Variants in TSPAN7 observed in about 807,000 individuals in gnomAD.
The protein encoded by TSPAN7 is tetraspanin-7.
In TSPAN7, 1 loss-of-function variant was observed where a neutral mutation model predicts 17.6. That is an observed-to-expected ratio of 0.06 (90% CI 0.02 to 0.27). The LOEUF is 0.27. Ranked by LOEUF, TSPAN7 falls within the 10% of genes least tolerant of loss-of-function variation. TSPAN7 has a pLI of 1.00. For missense variants in TSPAN7, 112 were observed against 201.7 expected, an observed-to-expected ratio of 0.56 and a Z score of 2.69; for synonymous variants, 78 against 79.0, an observed-to-expected ratio of 0.99 and a Z score of 0.07.
chrX:38,643,839 C>T (rs1260916955), intron 1 of TSPAN7, among the ~76,000 whole-genome samples: 2 of 110,784 alleles, frequency 1.8e-5, no homozygotes, highest in African/African-American at 3.3e-5. Flanking sequence ...AGCGAGACTC[C>T]GTCTCAAAAA....
chrX:38,637,262 A>G (rs1248513927), intron 1 of TSPAN7, among the ~76,000 whole-genome samples: 1 of 111,746 alleles, frequency 8.9e-6, no homozygotes, highest in African/African-American at 3.3e-5. Flanking sequence ...TTTAATTCAT[A>G]TGACCTGTAT....
chrX:38,661,042 C>G (rs998290538), intron 1 of TSPAN7, among the ~76,000 whole-genome samples: 2 of 111,579 alleles, frequency 1.8e-5, no homozygotes, highest in African/African-American at 6.5e-5. Flanking sequence ...AGCGTGGGCT[C>G]AAGTAAAATG....
chrX:38,615,291 T>C (rs2069449104), intron 1 of TSPAN7, among the ~76,000 whole-genome samples: 1 of 111,810 alleles, frequency 8.9e-6, no homozygotes. Flanking sequence ...GCCCTTTTCC[T>C]ATAAGAATGT....
Position 38,616,853 on chromosome X carries a change from C to T in TSPAN7, c.82-49268C>T, listed in dbSNP as rs189201142. 3.6e-5 allele frequency among the ~76,000 whole-genome samples: 4 copies of T among 111,836 alleles called. No individual in the cohort carries two copies. The Admixed American group carries it at 3.8e-4, about 11-fold the overall frequency. On this transcript the variant is annotated intron_variant, in intron 1 of 7. Coordinates refer to ENST00000378482, the MANE Select transcript of TSPAN7 (RefSeq NM_004615.4). ...TCCTCTCACCTTTGAGTGCTGGTAC[C>T]ATACTCAGTGTCAGTATTTTCACTG...
At chrX:38,641,439 A>T (rs781703082) in intron 1 of TSPAN7, among the ~76,000 whole-genome samples, 137 of 111,346 alleles carry the variant, frequency 1.2e-3, no homozygotes, top group African/African-American at 4.4e-3. Context: ...AGGAGTCCAA[A>T]CCCCTCTCTG....
At chrX:38,622,636 G>T (rs1173447409) in intron 1 of TSPAN7, among the ~76,000 whole-genome samples, 1 of 112,523 alleles carries the variant, frequency 8.9e-6, no homozygotes, top group African/African-American at 3.2e-5. Flanking sequence ...TCTTGCATTA[G>T]ATCAGAATTG....
rs41305749 is a variant in TSPAN7, at chrX:38,666,371, A to T, written c.270+62A>T. ...ATATTTTTGTAAAAATATAAATTAC[A>T]TGGAGGTGAAGTGGTTCGTCTTGAG... On this transcript the variant is annotated intron_variant, in intron 2 of 7. Coordinates refer to ENST00000378482, the MANE Select transcript of TSPAN7 (RefSeq NM_004615.4). 6.4e-3 allele frequency: 7,092 copies of T among 1,111,139 alleles called. 266 individuals are homozygous for T. The African/African-American group carries it at 0.11, about 18-fold the overall frequency. 91.6% of individuals were successfully genotyped at this position (1,111,139 alleles called of 1,213,427 possible).
rs770866065 is a variant in TSPAN7, at chrX:38,567,590, C to T, written c.81+5963C>T. Among the ~76,000 whole-genome samples the T allele has an allele frequency of 3.6e-5, 4 of 112,488 alleles. No individual in the cohort carries two copies. In the South Asian group the frequency reaches 1.5e-3, roughly 41 times the overall value. Reference sequence around the variant, plus strand: ...ACTTTAGTTTATAGTTATTCTTTTGCACATCAATACAATTCAGTCATTCAC... The same window carrying T: ...ACTTTAGTTTATAGTTATTCTTTTGTACATCAATACAATTCAGTCATTCAC... On this transcript the variant is annotated intron_variant, in intron 1 of 7. Coordinates refer to ENST00000378482, the MANE Select transcript of TSPAN7 (RefSeq NM_004615.4).
intron 1 of TSPAN7, among the ~76,000 whole-genome samples, chrX:38,569,337 T>C (rs1488964324): frequency 9.0e-6 from 1 of 110,655 alleles, no homozygotes; most frequent in Non-Finnish European, 1.9e-5. Context: ...CTATATACAG[T>C]ATATAAACCT....
chrX:38,670,511 GAAAGGCTTT>G (rs2069814274), intron 2 of TSPAN7, among the ~76,000 whole-genome samples: 1 of 112,166 alleles, frequency 8.9e-6, no homozygotes, highest in African/African-American at 3.2e-5. Context: ...TTTACTTTTT[GAAAGGCTTT>G]AAACTCCACG....
intron 1 of TSPAN7, among the ~76,000 whole-genome samples, chrX:38,646,711 C>CA (rs2069647752): frequency 8.9e-6 from 1 of 112,168 alleles, no homozygotes; most frequent in South Asian, 3.7e-4. Context: ...CCCCAAATTT[C>CA]AAAAATTGCA....
intron 6 of TSPAN7, 78 bp downstream of exon 6, chrX:38,681,365 C>G: frequency 1.2e-6 from 1 of 868,447 alleles, no homozygotes; most frequent in East Asian, 3.1e-5. Flanking sequence ...CTCTGCCTGC[C>G]TTCCTGTGCT....
chrX:38,587,507 A>G lies in TSPAN7; in HGVS notation c.81+25880A>G, dbSNP rs1454441391. 4.5e-5 allele frequency among the ~76,000 whole-genome samples: 5 copies of G among 112,041 alleles called. No homozygotes were observed. In the East Asian group the frequency reaches 1.4e-3, roughly 31 times the overall value. ...AAATTTCATGTAGTTTCCAATATGC[A>G]TTCATTAAATAATATTATATTCTAG... On this transcript the variant is annotated intron_variant, in intron 1 of 7. Coordinates refer to ENST00000378482, the MANE Select transcript of TSPAN7 (RefSeq NM_004615.4).
At chrX:38,563,483 G>A (rs757133841) in intron 1 of TSPAN7, among the ~76,000 whole-genome samples, 22 of 110,659 alleles carry the variant, frequency 2.0e-4, no homozygotes, top group African/African-American at 7.3e-4. Context: ...TGGGAGGGGG[G>A]AGGTATTTTT....
At chrX:38,582,907 G>A (rs766741546) in intron 1 of TSPAN7, among the ~76,000 whole-genome samples, 1 of 111,814 alleles carries the variant, frequency 8.9e-6, no homozygotes, top group African/African-American at 3.2e-5. Flanking sequence ...TCACCAAGCC[G>A]TGGTGAATTT....
chrX:38,622,802 G>A (rs113500492), intron 1 of TSPAN7: 127 of 312,710 alleles, frequency 4.1e-4, no homozygotes, highest in African/African-American at 3.2e-3. Flanking sequence ...TCCAGACTTG[G>A]TTCTTTCCCC....
intron 3 of TSPAN7, among the ~76,000 whole-genome samples, chrX:38,673,737 A>C (rs1166084300): frequency 9.1e-6 from 1 of 110,386 alleles, no homozygotes; most frequent in Non-Finnish European, 1.9e-5. Flanking sequence ...AAGACAGGTA[A>C]GTGAAAGTTG....
intron 1 of TSPAN7, among the ~76,000 whole-genome samples, chrX:38,610,369 A>G (rs1295771087): frequency 8.9e-6 from 1 of 112,231 alleles, no homozygotes; most frequent in African/African-American, 3.2e-5. Flanking sequence ...GCTGCATGGC[A>G]TATGTAAACA....
chrX:38,659,823 CTTTTTT>C (rs748922281), intron 1 of TSPAN7, among the ~76,000 whole-genome samples: 1 of 61,589 alleles, frequency 1.6e-5, no homozygotes, highest in Non-Finnish European at 2.9e-5. Context: ...TTTTCTTTTT[CTTTTTT>C]TTTTTTTTTT....
Sources: gnomAD v4.1 joint callset for allele counts (sites outside exome capture counted in the v4.1 genomes callset) on GRCh38, gnomAD v4.1.1 for gene constraint, MANE v1.5 for transcripts, NCBI Gene and HGNC (gene_info 2026-07-23, HGNC 2026-07-21) for gene names.